PDE10A: variants seen among roughly 807,000 people sequenced by gnomAD.
The protein encoded by PDE10A is phosphodiesterase 10A.
Under a neutral mutation model 97.7 loss-of-function variants are expected in PDE10A, and 39 were observed. That is an observed-to-expected ratio of 0.40 (90% CI 0.31 to 0.52). The LOEUF (loss-of-function observed/expected upper bound fraction) is 0.52. PDE10A is among the 20% of genes least tolerant of loss of function. PDE10A has a pLI of 0.56. For synonymous variants in PDE10A, 371 were observed against 376.8 expected (o/e 0.98, Z 0.18); for missense variants, 731 against 1,047.8 (o/e 0.70, Z 4.17).
At chr6:165,641,922 G>A (rs948605068) in intron 1 of PDE10A, among the ~76,000 whole-genome samples, 1 of 152,228 alleles carries the variant, frequency 6.6e-6, no homozygotes, top group African/African-American at 2.4e-5. Flanking sequence ...CAGCCCCGCA[G>A]CCTCTGTCCT....
At chr6:165,954,803 A>T (rs1784079323) in intron 1 of PDE10A, among the ~76,000 whole-genome samples, 1 of 152,082 alleles carries the variant, frequency 6.6e-6, no homozygotes, top group African/African-American at 2.4e-5. Context: ...GCCCTGTCCC[A>T]TGGCTACCTC....
At chr6:165,599,422 CTTCCTTCTGATACATTT>C (rs1786802260) in intron 1 of PDE10A, among the ~76,000 whole-genome samples, 4 of 152,192 alleles carry the variant, frequency 2.6e-5, no homozygotes, top group Non-Finnish European at 4.4e-5. Context: ...CCTTTCCAAG[CTTCCTTCTGATACATTT>C]CAGTGTTAGT....
At chr6:165,601,540 T>C (rs1402599810) in intron 1 of PDE10A, among the ~76,000 whole-genome samples, 1 of 152,230 alleles carries the variant, frequency 6.6e-6, no homozygotes. Context: ...CCCATACTTT[T>C]AAGATCCAAT....
rs373361582 is a variant in PDE10A at position 165,435,351 on chromosome 6, C to T, written c.1221G>A (p.Gly407=). The T allele has an allele frequency of 1.1e-5, 17 of 1,613,788 alleles. No individual in the cohort carries two copies. In the Admixed American group the frequency reaches 2.8e-4, roughly 27 times the overall value. ...NNSLCIFTPP[G]IKEGKPRLIP... ...TGAGGCGGGGTTTTCCTTCCTTTATCCCAGGTGGCGTGAATATACACAGGC... is the reference window on the plus strand; with the variant it reads ...TGAGGCGGGGTTTTCCTTCCTTTATTCCAGGTGGCGTGAATATACACAGGC... The change falls in exon 6 of 22, where the codon GGG becomes GGA. Residue 407 remains glycine, a synonymous_variant. Transcript: ENST00000539869.
intron 13 of PDE10A, among the ~76,000 whole-genome samples, chr6:165,403,406 G>T (rs370918475): frequency 6.6e-6 from 1 of 152,106 alleles, no homozygotes; most frequent in Non-Finnish European, 1.5e-5. Context: ...GGGAATGTAC[G>T]CCAGAGAAAC....
rs1274606130 is a variant in PDE10A at position 165,327,590 on chromosome 6, G to A, written c.*5435C>T. On this transcript the variant is annotated 3_prime_UTR_variant, in exon 22 of 22. Transcript: ENST00000539869. ...ACAGTAAATGTTTTTTAAATACAAA[G>A]ACTGCAAATGAATACATGAAAAAAT... 2 of 151,980 alleles carry A rather than the reference G, an allele frequency of 1.3e-5. No individual in the cohort carries two copies. The highest frequency in any genetic ancestry group is 6.6e-5 in the Admixed American group (1 of 15,260). 9.4% of individuals were successfully genotyped at this position (151,980 alleles called of 1,614,324 possible). A position where few individuals can be genotyped will look rare whatever the true frequency, so the allele number is the denominator to read the frequency against.
intron 1 of PDE10A, among the ~76,000 whole-genome samples, chr6:165,695,364 C>G (rs926051812): frequency 1.3e-5 from 2 of 152,136 alleles, no homozygotes; most frequent in South Asian, 4.1e-4. Flanking sequence ...GCTATTTGAG[C>G]TAAGAATGCA....
intron 1 of PDE10A, among the ~76,000 whole-genome samples, chr6:165,619,124 A>ATAGTC (rs1787889189): frequency 9.4e-5 from 3 of 31,940 alleles, no homozygotes; most frequent in Non-Finnish European, 1.2e-4. Flanking sequence ...GTAGTCTAGC[A>ATAGTC]TAGTCTAGTG....
intron 9 of PDE10A, among the ~76,000 whole-genome samples, chr6:165,429,976 T>C (rs1032608722): frequency 6.6e-6 from 1 of 152,178 alleles, no homozygotes; most frequent in Admixed American, 6.5e-5. Context: ...TCCCTCCTAC[T>C]GTAGCCAGTA....
intron 14 of PDE10A, 119 bp downstream of exon 14, chr6:165,396,198 G>A: frequency 1.1e-6 from 1 of 882,216 alleles, no homozygotes; most frequent in Non-Finnish European, 1.7e-6. Context: ...GGCAACACAT[G>A]AAACTCCACA....
chr6:165,334,601 T>C (rs1048980873), intron 21 of PDE10A, among the ~76,000 whole-genome samples: 5 of 152,224 alleles, frequency 3.3e-5, no homozygotes, highest in Admixed American at 6.5e-5. Flanking sequence ...TGAATTTACA[T>C]TGATATCCCA....
chr6:165,614,238 G>A (rs1388770889), intron 1 of PDE10A, among the ~76,000 whole-genome samples: 4 of 152,034 alleles, frequency 2.6e-5, no homozygotes, highest in South Asian at 2.1e-4. Context: ...CTTGTAAACC[G>A]CAAATTTAAT....
intron 1 of PDE10A, among the ~76,000 whole-genome samples, chr6:165,654,094 G>T (rs1789818115): frequency 6.6e-6 from 1 of 152,168 alleles, no homozygotes; most frequent in Non-Finnish European, 1.5e-5. Flanking sequence ...TATCTGAATT[G>T]TGCATACCTT....
intron 1 of PDE10A, among the ~76,000 whole-genome samples, chr6:165,831,478 C>CTTTTTTTTTTTTTTTT (rs200237321): frequency 7.0e-4 from 93 of 133,808 alleles, no homozygotes; most frequent in Non-Finnish European, 9.9e-4. Flanking sequence ...TTGCAGGAGT[C>CTTTTTTTTTTTTTTTT]TTTTTTTTTT....
At chr6:165,590,718 C>T (rs942083208) in intron 1 of PDE10A, among the ~76,000 whole-genome samples, 17 of 152,016 alleles carry the variant, frequency 1.1e-4, no homozygotes, top group Admixed American at 3.3e-4. Context: ...GGTGAAACCC[C>T]GTCTCTACTA....
chr6:165,541,885 C>T (rs1453045469), intron 2 of PDE10A, among the ~76,000 whole-genome samples: 1 of 152,102 alleles, frequency 6.6e-6, no homozygotes, highest in Admixed American at 6.6e-5. Flanking sequence ...TTAAAAACTA[C>T]TTCATATTTC....
At chr6:165,901,578 G>A (rs1235208480) in intron 1 of PDE10A, among the ~76,000 whole-genome samples, 3 of 152,236 alleles carry the variant, frequency 2.0e-5, no homozygotes, top group Non-Finnish European at 4.4e-5. Flanking sequence ...CGAGGCGGGC[G>A]GATCACCTGA....
At chr6:165,480,358 T>C (rs546420975) in intron 3 of PDE10A, among the ~76,000 whole-genome samples, 3 of 151,754 alleles carry the variant, frequency 2.0e-5, no homozygotes, top group Admixed American at 6.6e-5. Flanking sequence ...GAGGCTGAGG[T>C]AGGAAGATCA....
chr6:165,513,074 G>GT (rs971723887), intron 2 of PDE10A, among the ~76,000 whole-genome samples: 5 of 151,958 alleles, frequency 3.3e-5, no homozygotes, highest in African/African-American at 1.2e-4. Flanking sequence ...ACAATTTACT[G>GT]TTTTTTTAAA....
Sources: allele counts gnomAD v4.1 joint callset (sites outside exome capture counted in the v4.1 genomes callset), GRCh38; gene constraint gnomAD v4.1.1; transcripts MANE v1.5; gene names NCBI Gene and HGNC (gene_info 2026-07-23, HGNC 2026-07-21).